Variants in RNF150 observed in about 807,000 individuals in gnomAD.
RNF150 encodes the protein ring finger protein 150.
Under a neutral mutation model 39.3 loss-of-function variants are expected in RNF150, and 24 were observed. That is an observed-to-expected ratio of 0.61 (90% CI 0.44 to 0.86). The LOEUF is 0.86. Among genes scored for constraint, RNF150 ranks in the 40% least tolerant of loss-of-function variants. RNF150 has a pLI of 0.00. For synonymous variants in RNF150, 255 were observed against 227.3 expected, an observed-to-expected ratio of 1.12 and a Z score of -1.10; for missense variants, 502 against 587.8, an observed-to-expected ratio of 0.85 and a Z score of 1.51.
intron 4 of RNF150, among the ~76,000 whole-genome samples, chr4:140,938,054 G>GAGTT (rs1731928411): frequency 6.6e-6 from 1 of 152,060 alleles, no homozygotes; most frequent in Non-Finnish European, 1.5e-5. Flanking sequence ...TCGACTTCAC[G>GAGTT]AGTTATAGGA....
chr4:141,178,378 C>T (rs1272306258), intron 1 of RNF150, among the ~76,000 whole-genome samples: 3 of 152,110 alleles, frequency 2.0e-5, no homozygotes, highest in African/African-American at 7.2e-5. Flanking sequence ...TGATGCAAAG[C>T]TATATCAAGG....
chr4:141,101,673 G>C (rs1257003624), intron 1 of RNF150, among the ~76,000 whole-genome samples: 1 of 152,084 alleles, frequency 6.6e-6, no homozygotes, highest in Non-Finnish European at 1.5e-5. Context: ...CAGTAGGTTT[G>C]TTTACACCAG....
intron 1 of RNF150, among the ~76,000 whole-genome samples, chr4:141,045,238 G>T (rs1339022365): frequency 6.6e-6 from 1 of 152,198 alleles, no homozygotes; most frequent in Non-Finnish European, 1.5e-5. Context: ...GAAACACCTG[G>T]AAGGTCATGC....
At chr4:140,896,829 C>T (rs1729977956) in intron 6 of RNF150, among the ~76,000 whole-genome samples, 1 of 151,846 alleles carries the variant, frequency 6.6e-6, no homozygotes, top group East Asian at 1.9e-4. Context: ...AATGCCTGCA[C>T]CACCGTGTGT....
chr4:141,165,703 G>C (rs1413027220), intron 1 of RNF150, among the ~76,000 whole-genome samples: 1 of 152,112 alleles, frequency 6.6e-6, no homozygotes, highest in Non-Finnish European at 1.5e-5. Context: ...TGACTACTGG[G>C]TAAATAACAG....
chr4:141,132,250 G>A lies in RNF150; in HGVS notation c.484+75C>T. On this transcript the variant is annotated intron_variant, in intron 1 of 6. Coordinates refer to ENST00000515673, the MANE Select transcript of RNF150 (RefSeq NM_020724.2). This position sits in a 1 kb window ranked among gnomAD's most constrained non-coding sequence, Gnocchi z 4.9. ...GCACGGACTTCCCAGAAGGAGCCTG[G>A]AGGCAGGCGCTGGATCCCTCTAGGC... 1 of 1,464,416 alleles carries A rather than the reference G, an allele frequency of 6.8e-7. No homozygotes were observed. Among genetic ancestry groups the A allele is most frequent in the Non-Finnish European group, 9.3e-7 (1 of 1,078,874 alleles). The allele number at this position is 1,464,416 out of a possible 1,614,324, so 90.7% of individuals were successfully genotyped here.
At chr4:141,201,093 G>GACACAC (rs1728282630) in intron 1 of RNF150, among the ~76,000 whole-genome samples, 6 of 82,352 alleles carry the variant, frequency 7.3e-5, no homozygotes, top group Admixed American at 5.7e-4. Flanking sequence ...TATTATTTCA[G>GACACAC]ATCTTTACCA....
Position 140,895,356 on chromosome 4 carries a change from T to A in RNF150, c.1198+15788A>T, listed in dbSNP as rs144597780. ...CCCTGGAAGTAGAAAATGGGCATAT[T>A]ATAAGCATAGCTATGCATCAATGTA... On this transcript the variant is annotated intron_variant, in intron 6 of 6. Coordinates refer to ENST00000515673, the MANE Select transcript of RNF150 (RefSeq NM_020724.2). 5.2e-3 allele frequency among the ~76,000 whole-genome samples: 788 copies of A among 152,306 alleles called. 8 individuals carry two copies. Among genetic ancestry groups the A allele is most frequent in the African/African-American group, 0.018 (747 of 41,572 alleles).
chr4:140,922,488 G>A (rs1731198305), intron 5 of RNF150, among the ~76,000 whole-genome samples: 1 of 151,770 alleles, frequency 6.6e-6, no homozygotes, highest in Non-Finnish European at 1.5e-5. Context: ...AGAAATGGAA[G>A]AACATTCCAT....
intron 6 of RNF150, among the ~76,000 whole-genome samples, chr4:140,899,944 T>TTCTCTCTC (rs60297205): frequency 0.04 from 4,435 of 109,754 alleles, 153 homozygotes; most frequent in East Asian, 0.11. Flanking sequence ...CTCTCTCACT[T>TTCTCTCTC]TCTCTCTCTC....
intron 1 of RNF150, among the ~76,000 whole-genome samples, chr4:141,100,565 T>C (rs890605169): frequency 2.0e-5 from 3 of 152,206 alleles, no homozygotes; most frequent in African/African-American, 7.2e-5. Context: ...TATTGCATCC[T>C]TTCCATTTTT....
intron 1 of RNF150, among the ~76,000 whole-genome samples, chr4:141,028,392 T>C (rs1324357882): frequency 1.3e-5 from 2 of 152,178 alleles, no homozygotes; most frequent in African/African-American, 4.8e-5. Context: ...TGCTTAGTCA[T>C]TTAACTAGAG....
At chr4:141,086,122 A>G (rs1217337857) in intron 1 of RNF150, among the ~76,000 whole-genome samples, 1 of 151,884 alleles carries the variant, frequency 6.6e-6, no homozygotes, top group Non-Finnish European at 1.5e-5. Context: ...ACCAATTGCC[A>G]AGGGGTGGGA....
chr4:141,119,083 A>T (rs1443773025), intron 1 of RNF150, among the ~76,000 whole-genome samples: 2 of 152,196 alleles, frequency 1.3e-5, no homozygotes, highest in Admixed American at 1.3e-4. Context: ...GATTAAATTC[A>T]TTTTGGAGCA....
intron 6 of RNF150, among the ~76,000 whole-genome samples, chr4:140,885,201 C>CTTTTTTTTT (rs752444379): frequency 7.7e-6 from 1 of 129,142 alleles, no homozygotes; most frequent in African/African-American, 3.0e-5. Context: ...CAACATCAGT[C>CTTTTTTTTT]TTTTTTTTTT....
intron 1 of RNF150, among the ~76,000 whole-genome samples, chr4:141,129,931 T>C (rs142185503): frequency 2.1e-3 from 317 of 152,344 alleles, no homozygotes; most frequent in African/African-American, 6.6e-3. Context: ...GGAAAGGTGA[T>C]AGATATATCA....
chr4:141,086,243 C>A (rs1021946078), intron 1 of RNF150, among the ~76,000 whole-genome samples: 12 of 152,100 alleles, frequency 7.9e-5, no homozygotes, highest in African/African-American at 2.9e-4. Context: ...TTTGCTTGAT[C>A]TATTTATCTC....
At position 141,132,535 on chromosome 4, in the gene RNF150, T is replaced by C; in HGVS notation, c.274A>G (p.Met92Val). The C allele has an allele frequency of 1.9e-6, 3 of 1,598,916 alleles. No individual in the cohort carries two copies. Among genetic ancestry groups the C allele is most frequent in the East Asian group, 2.3e-5 (1 of 44,114 alleles). The change falls in exon 1 of 7, where the codon ATG becomes GTG. Residue 92 changes from methionine to valine, a missense_variant. By Grantham distance (21) the Met-to-Val change is conservative. Coordinates refer to ENST00000515673, the MANE Select transcript of RNF150 (RefSeq NM_020724.2). The surrounding 1 kb of genome is among the most constrained non-coding windows in gnomAD (Gnocchi z 4.9). ...PKQDARGEVV[M>V]ASSAHDRLAC... ...AGGCGGTCGTGGGCCGAGCTGGCCA[T>C]GACCACCTCCCCGCGGGCGTCCTGC...
chr4:140,958,703 C>G (rs1732884641), intron 2 of RNF150, among the ~76,000 whole-genome samples: 1 of 152,024 alleles, frequency 6.6e-6, no homozygotes, highest in African/African-American at 2.4e-5. Flanking sequence ...CACGGGTTCT[C>G]AGGGCTGAGT....
Sources: allele counts gnomAD v4.1 joint callset (sites outside exome capture counted in the v4.1 genomes callset), GRCh38; gene constraint gnomAD v4.1.1; non-coding constraint Gnocchi (gnomAD v3.1); transcripts MANE v1.5; gene names NCBI Gene and HGNC (gene_info 2026-07-23, HGNC 2026-07-21).